SLIT3: variants seen among roughly 807,000 people sequenced by gnomAD.
SLIT3 encodes the protein slit homolog 3 protein.
In SLIT3, 68 loss-of-function variants were observed where a neutral mutation model predicts 184.0. The observed-to-expected ratio is 0.37, with a 90% CI of 0.30 to 0.45. SLIT3 has a LOEUF of 0.45. Ranked by LOEUF, SLIT3 falls within the 20% of genes least tolerant of loss-of-function variation. SLIT3 has a pLI of 1.00. For synonymous variants in SLIT3, 831 were observed against 828.6 expected (o/e 1.00, Z -0.05); for missense variants, 1,707 against 2,026.0 (o/e 0.84, Z 3.02).
In SLIT3 at chr5:168,662,059, C is replaced by T. The variant is rs900830348; in HGVS notation, c.*4395G>A. On this transcript the variant is annotated 3_prime_UTR_variant, in exon 36 of 36. Transcript: ENST00000519560. ...CACTACAAAACATGAACAAGTCCCACAAAACCACACTATGCCCTCTGCTTC... is the reference window on the plus strand; with the variant it reads ...CACTACAAAACATGAACAAGTCCCATAAAACCACACTATGCCCTCTGCTTC... 6.6e-6 allele frequency: 1 copy of T among 152,256 alleles called. No homozygotes were observed. 9.4% of individuals were successfully genotyped at this position (152,256 alleles called of 1,614,324 possible). A position where few individuals can be genotyped will look rare whatever the true frequency, so the allele number is the denominator to read the frequency against.
rs1761024344 is a variant in SLIT3 at position 168,666,005 on chromosome 5, A to ATGAGCAGCTCTTGGTCTACT, written c.*429_*448dup. ...CCTCTTATTCCTTTTTCTGATCTCA[A>ATGAGCAGCTCTTGGTCTACT]TGAGCAGCTCTTGGTCTACTGCCGA... On this transcript the variant is annotated 3_prime_UTR_variant, in exon 36 of 36. Coordinates refer to ENST00000519560, the MANE Select transcript of SLIT3 (RefSeq NM_003062.4). The ATGAGCAGCTCTTGGTCTACT allele has an allele frequency of 6.5e-6, 1 of 152,686 alleles. No homozygotes were observed. The highest frequency in any genetic ancestry group is 1.5e-5 in the Non-Finnish European group (1 of 68,368). 9.5% of individuals were successfully genotyped at this position (152,686 alleles called of 1,614,324 possible).
intron 7 of SLIT3, among the ~76,000 whole-genome samples, chr5:168,822,110 G>T (rs1315389119): frequency 6.6e-6 from 1 of 152,150 alleles, no homozygotes; most frequent in South Asian, 2.1e-4. Context: ...CAAGTTCTGG[G>T]TGATATTGAT....
Position 169,241,090 on chromosome 5 carries a change from T to A in SLIT3, c.341+3615A>T, listed in dbSNP as rs2113572839. Among the ~76,000 whole-genome samples the A allele has an allele frequency of 2.0e-5, 3 of 152,264 alleles. No homozygotes were observed. In the South Asian group the frequency reaches 6.2e-4, roughly 32 times the overall value. On this transcript the variant is annotated intron_variant, in intron 3 of 35. Transcript: ENST00000519560. ...CTCCCATGTTTTTCTTGACATTGAC[T>A]TTTTTAAAAGATCAGGGCAGCTGTC...
At chr5:169,135,137 A>G (rs906972847) in intron 4 of SLIT3, among the ~76,000 whole-genome samples, 1 of 152,122 alleles carries the variant, frequency 6.6e-6, no homozygotes, top group African/African-American at 2.4e-5. Flanking sequence ...ACGGAGTCTC[A>G]CTCTGTTGCC....
At position 168,666,571 on chromosome 5, in the gene SLIT3, C is replaced by T; in HGVS notation, c.4455G>A (p.Gln1485=). ...GCTTGCTGCGGGTGGGCTGGCAGCA[C>T]TGGGGCCCACAGCCCCCACGACATT... ...IMECRGGCGP[Q]CCQPTRSKRR... The change falls in exon 36 of 36, where the codon CAG becomes CAA. Residue 1485 remains glutamine, a synonymous_variant. Coordinates refer to ENST00000519560, the MANE Select transcript of SLIT3 (RefSeq NM_003062.4). 6.2e-7 allele frequency: 1 copy of T among 1,614,136 alleles called. No individual in the cohort carries two copies. Among genetic ancestry groups the T allele is most frequent in the Non-Finnish European group, 8.5e-7 (1 of 1,179,986 alleles).
chr5:169,058,688 G>A (rs1274604101), intron 4 of SLIT3, among the ~76,000 whole-genome samples: 1 of 152,242 alleles, frequency 6.6e-6, no homozygotes, highest in Non-Finnish European at 1.5e-5. Flanking sequence ...GGGACAGGAT[G>A]TGAAGCAGTT....
At chr5:169,101,688 T>TA (rs1342563768) in intron 4 of SLIT3, among the ~76,000 whole-genome samples, 1 of 152,212 alleles carries the variant, frequency 6.6e-6, no homozygotes, top group Non-Finnish European at 1.5e-5. Context: ...AAATGATCCT[T>TA]AATGATCCTG....
intron 4 of SLIT3, among the ~76,000 whole-genome samples, chr5:168,985,099 C>T (rs761638174): frequency 6.6e-6 from 1 of 152,222 alleles, no homozygotes; most frequent in East Asian, 1.9e-4. Context: ...CTCTACTAGA[C>T]ATGAATTCTC....
intron 4 of SLIT3, among the ~76,000 whole-genome samples, chr5:169,129,937 C>A (rs1313664376): frequency 6.6e-6 from 1 of 152,106 alleles, no homozygotes; most frequent in Admixed American, 6.5e-5. Flanking sequence ...CAACCTCCAC[C>A]TCCTGGGTTC....
intron 4 of SLIT3, among the ~76,000 whole-genome samples, chr5:169,029,983 T>TG (rs1756963912): frequency 6.6e-6 from 1 of 152,200 alleles, no homozygotes; most frequent in Non-Finnish European, 1.5e-5. Flanking sequence ...GTCCTCTGCC[T>TG]TGTAATCCAG....
chr5:169,101,547 C>A (rs1760015540), intron 4 of SLIT3, among the ~76,000 whole-genome samples: 1 of 152,222 alleles, frequency 6.6e-6, no homozygotes, highest in African/African-American at 2.4e-5. Flanking sequence ...ACTCCTTGGT[C>A]TCCTTGCCTA....
intron 1 of SLIT3, among the ~76,000 whole-genome samples, chr5:169,296,572 C>G (rs1013704092): frequency 6.6e-6 from 1 of 152,156 alleles, no homozygotes; most frequent in Non-Finnish European, 1.5e-5. Context: ...TCTAAGCTGG[C>G]CCTGAGGGCT....
chr5:168,846,303 T>C (rs1482462071), intron 5 of SLIT3, among the ~76,000 whole-genome samples: 24 of 152,162 alleles, frequency 1.6e-4, no homozygotes, highest in Non-Finnish European at 1.5e-5. Context: ...CTGTATCTAG[T>C]GTTCAAAGTT....
intron 3 of SLIT3, among the ~76,000 whole-genome samples, chr5:169,216,519 G>A (rs2113522799): frequency 6.6e-6 from 1 of 152,326 alleles, no homozygotes; most frequent in East Asian, 1.9e-4. Context: ...AGCAAGTTCA[G>A]CAGTCTTCCT....
chr5:168,794,367 G>T (rs1756492446), intron 10 of SLIT3, among the ~76,000 whole-genome samples: 1 of 152,240 alleles, frequency 6.6e-6, no homozygotes, highest in African/African-American at 2.4e-5. Flanking sequence ...TGATGGCAAT[G>T]GTTGGGCTGT....
At chr5:168,850,900 T>C (rs574407634) in intron 5 of SLIT3, among the ~76,000 whole-genome samples, 109 of 152,224 alleles carry the variant, frequency 7.2e-4, no homozygotes, top group African/African-American at 2.5e-3. Flanking sequence ...AATAAAGAGG[T>C]GTTTTACACA....
chr5:169,117,062 C>T (rs990851853), intron 4 of SLIT3, among the ~76,000 whole-genome samples: 11 of 152,166 alleles, frequency 7.2e-5, no homozygotes, highest in Admixed American at 4.6e-4. Context: ...CAGGGACACA[C>T]AGCAAGTCAG....
At position 168,753,018 on chromosome 5, in the gene SLIT3, T is replaced by A; in HGVS notation, c.1910A>T (p.Tyr637Phe). The A allele has an allele frequency of 6.2e-7, 1 of 1,613,936 alleles. No individual in the cohort carries two copies. The highest frequency in any genetic ancestry group is 1.1e-5 in the South Asian group (1 of 91,056). Residue 637 changes from tyrosine to phenylalanine, a missense_variant, in exon 18 of 36, where the codon TAT (tyrosine) becomes TTT (phenylalanine). Tyr to Phe is a conservative substitution (Grantham distance 22, BLOSUM62 3). Coordinates refer to ENST00000519560, the MANE Select transcript of SLIT3 (RefSeq NM_003062.4). ...GLSSVRLLSL[Y>F]DNRITTITPG... ...GGTGATGGTGGTGATCCGATTGTCA[T>A]AGAGGGACAGCAGTCTCACCGAACT...
At chr5:169,088,098 C>T (rs942650998) in intron 4 of SLIT3, among the ~76,000 whole-genome samples, 2 of 152,192 alleles carry the variant, frequency 1.3e-5, no homozygotes, top group Non-Finnish European at 2.9e-5. Context: ...TAGCCATTCC[C>T]TACCGCTGTT....
Sources: allele counts gnomAD v4.1 joint callset (sites outside exome capture counted in the v4.1 genomes callset), GRCh38; gene constraint gnomAD v4.1.1; transcripts MANE v1.5; gene names NCBI Gene and HGNC (gene_info 2026-07-23, HGNC 2026-07-21).